Variants in SYNE2 observed in about 807,000 individuals in gnomAD.
SYNE2 encodes the protein spectrin repeat containing nuclear envelope protein 2, also known as nesprin-2.
SYNE2 carries 431 observed loss-of-function variants against 856.3 expected under a neutral mutation model. The ratio of observed to expected loss-of-function variants is 0.50; its 90% confidence interval spans 0.47 to 0.55. SYNE2 has a LOEUF of 0.55. SYNE2 is among the 20% of genes least tolerant of loss of function. The pLI is 0.00. For synonymous variants in SYNE2, 2,923 were observed against 2,872.3 expected (o/e 1.02, Z -0.56); for missense variants, 8,129 against 8,023.2 (o/e 1.01, Z -0.50).
At position 63,954,807 on chromosome 14, in the gene SYNE2, C is replaced by G. The variant is rs2096220099; in HGVS notation, c.679C>G (p.Leu227Val). Reference protein sequence around the residue: ...LAIIHALRPDLIDMKSVKHRS... With the variant: ...LAIIHALRPDVIDMKSVKHRS... ...CATCATTCATGCCTTGCGACCAGAC[C>G]TAATTGACATGAAGAGTGTGAAGCA... The change falls in exon 8 of 116, where the codon CTA becomes GTA. Residue 227 changes from leucine to valine, a missense_variant. Physicochemically the swap from Leu to Val is conservative, Grantham distance 32. Transcript: ENST00000555002. 6.2e-7 allele frequency: 1 copy of G among 1,613,794 alleles called. No homozygotes were observed. Among genetic ancestry groups the G allele is most frequent in the Non-Finnish European group, 8.5e-7 (1 of 1,179,966 alleles).
intron 1 of SYNE2, among the ~76,000 whole-genome samples, chr14:63,822,334 C>G (rs1232532002): frequency 2.0e-5 from 3 of 152,164 alleles, no homozygotes; most frequent in African/African-American, 7.2e-5. Context: ...GTAGGCTTAA[C>G]TTTTATCCCC....
intron 8 of SYNE2, among the ~76,000 whole-genome samples, chr14:63,959,470 G>A (rs971713762): frequency 6.6e-6 from 1 of 151,486 alleles, no homozygotes; most frequent in Admixed American, 6.6e-5. Context: ...GCTAATTTTT[G>A]TATTTTTAGT....
chr14:63,900,139 G>C (rs921431474), intron 1 of SYNE2, among the ~76,000 whole-genome samples: 1 of 152,172 alleles, frequency 6.6e-6, no homozygotes. Context: ...CTGATCATGG[G>C]TTAAGTGGGT....
Position 64,161,144 on chromosome 14 carries a change from G to A in SYNE2, c.16095-928G>A, listed in dbSNP as rs2153714135. On this transcript the variant is annotated intron_variant, in intron 87 of 115. Transcript: ENST00000555002. The stretch of plus-strand genomic sequence containing the variant: ...AGATCACTTGAGTCCAGGAGTTCAA[G>A]ACCAGCCTGGGTAGCATGGTGAAAC... Among the ~76,000 whole-genome samples, 3 of 152,154 alleles carry A rather than the reference G, an allele frequency of 2.0e-5. No individual in the cohort carries two copies. The Middle Eastern group carries it at 0.01, about 518-fold the overall frequency.
At chr14:64,205,616 T>C (rs1310207261) in intron 100 of SYNE2, among the ~76,000 whole-genome samples, 5 of 152,274 alleles carry the variant, frequency 3.3e-5, no homozygotes, top group Non-Finnish European at 1.5e-5. Context: ...ATATACCTGG[T>C]TGGGGAGGGG....
intron 100 of SYNE2, among the ~76,000 whole-genome samples, chr14:64,207,696 C>T (rs1287412834): frequency 6.6e-6 from 1 of 152,070 alleles, no homozygotes; most frequent in East Asian, 1.9e-4. Context: ...GTACAGTCCT[C>T]TTATTAACTG....
rs1177450221 is a variant in SYNE2, at chr14:64,113,503, G to A, written c.12772G>A (p.Ala4258Thr). Residue 4258 changes from alanine (A) to threonine (T), a missense_variant, in exon 66 of 116, where the codon GCA (alanine) becomes ACA (threonine). This residue lies in a region of SYNE2 where 5,410 missense variants were observed against 5,284.8 expected (regional missense o/e 1.02). Coordinates refer to ENST00000555002, the MANE Select transcript of SYNE2 (RefSeq NM_182914.3). Reference sequence around the variant, plus strand: ...GCTGTGGCTGCAACAAGCCAACGTGGCAGTTGAGCCGGAAACATTAAACGC... The same window carrying A: ...GCTGTGGCTGCAACAAGCCAACGTGACAGTTGAGCCGGAAACATTAAACGC... ...LELWLQQANV[A>T]VEPETLNADM... 1.2e-6 allele frequency: 2 copies of A among 1,614,000 alleles called. No homozygotes were observed. The highest frequency in any genetic ancestry group is 4.5e-5 in the East Asian group (2 of 44,878).
chr14:64,202,752 A>G lies in SYNE2; in HGVS notation c.18039-49A>G, dbSNP rs777224055. ...ACTAAGTATTGGGCTTTTGTTTTCC[A>G]TCACTGGTTTTTTTTTGTTTCGTTT... On this transcript the variant is annotated intron_variant, in intron 99 of 115. Transcript: ENST00000555002. 1.2e-6 allele frequency: 2 copies of G among 1,612,804 alleles called. 1 individual carries two copies. The highest frequency in any genetic ancestry group is 2.2e-5 in the South Asian group (2 of 90,908).
chr14:64,224,625 C>T (rs1567704214), intron 114 of SYNE2, 78 bp downstream of exon 114: 4 of 1,534,776 alleles, frequency 2.6e-6, no homozygotes, highest in South Asian at 2.3e-5. Flanking sequence ...CTTGGGATTC[C>T]AAGAGCCCAT....
At chr14:64,002,640 T>C (rs754736769) in intron 29 of SYNE2, 80 bp from the exon 30 acceptor site, 12 of 1,494,882 alleles carry the variant, frequency 8.0e-6, no homozygotes, top group Non-Finnish European at 1.1e-5. Context: ...AATCTAGTCA[T>C]GCAGTTTGGG....
At chr14:63,918,195 G>T (rs1283386450) in intron 2 of SYNE2, among the ~76,000 whole-genome samples, 1 of 152,146 alleles carries the variant, frequency 6.6e-6, no homozygotes, top group Admixed American at 6.6e-5. Flanking sequence ...TCACCTTTAA[G>T]ATAGAAAAAC....
Position 64,168,956 on chromosome 14 carries a change from C to A in SYNE2, c.16985C>A (p.Thr5662Lys). Residue 5662 changes from threonine (T) to lysine (K), a missense_variant, in exon 93 of 116, where the codon ACA becomes AAA. This residue lies in a region of SYNE2 where 5,410 missense variants were observed against 5,284.8 expected (regional missense o/e 1.02). Coordinates refer to ENST00000555002, the MANE Select transcript of SYNE2 (RefSeq NM_182914.3). ...VTQSLQLLDT[T>K]EIENRPEFIT... is the part of the protein sequence containing the mutation. ...CAGTCCTTACAACTCCTGGACACAA[C>A]AGAAATAGAGAACAGGTGAGCTGTC... 6.2e-7 allele frequency: 1 copy of A among 1,613,696 alleles called. No homozygotes were observed. Among genetic ancestry groups the A allele is most frequent in the East Asian group, 2.2e-5 (1 of 44,882 alleles).
In SYNE2 at chr14:64,052,889, G is replaced by A. The variant is rs769700761; in HGVS notation, c.8976G>A (p.Lys2992=). 6.2e-7 allele frequency: 1 copy of A among 1,613,766 alleles called. No homozygotes were observed. The highest frequency in any genetic ancestry group is 1.7e-5 in the Admixed American group (1 of 59,958). Residue 2992 remains lysine (K), a synonymous_variant, in exon 48 of 116, where the codon AAG becomes AAA. Coordinates refer to ENST00000555002, the MANE Select transcript of SYNE2 (RefSeq NM_182914.3). The stretch of plus-strand genomic sequence containing the variant: ...TTAAAGACAGACTCACCGCTATTAA[G>A]TGTTGCATCTTACAGGTATTGAAAC... ...YNLKDRLTAI[K]CCILQVLKLK...
In SYNE2 at chr14:64,021,977, T is replaced by C; in HGVS notation, c.5473T>C (p.Phe1825Leu). 1 of 1,613,938 alleles carries C rather than the reference T, an allele frequency of 6.2e-7. No individual in the cohort carries two copies. The highest frequency in any genetic ancestry group is 8.5e-7 in the Non-Finnish European group (1 of 1,179,898). Reference sequence around the variant, plus strand: ...GCAATATGAAAGTGTCAGTGATTTATTTAATACCAAAAAAAGTGTTTTGCA... The same window carrying C: ...GCAATATGAAAGTGTCAGTGATTTACTTAATACCAAAAAAAGTGTTTTGCA... Reference protein sequence around the residue: ...KKQYESVSDLFNTKKSVLQDH... With the variant: ...KKQYESVSDLLNTKKSVLQDH... The change falls in exon 37 of 116, where the codon TTT becomes CTT. Residue 1825 changes from phenylalanine (F) to leucine (L), a missense_variant. By Grantham distance (22) the Phe-to-Leu change is conservative. Coordinates refer to ENST00000555002, the MANE Select transcript of SYNE2 (RefSeq NM_182914.3).
intron 8 of SYNE2, chr14:63,960,726 C>T (rs746409225): frequency 5.2e-6 from 4 of 762,614 alleles, no homozygotes; most frequent in Non-Finnish European, 9.6e-6. Flanking sequence ...TGATCTCCTT[C>T]ACTTATTAGA....
At chr14:64,110,191 A>G (rs1229116614) in intron 65 of SYNE2, among the ~76,000 whole-genome samples, 1 of 152,206 alleles carries the variant, frequency 6.6e-6, no homozygotes, top group African/African-American at 2.4e-5. Context: ...AATATTAAGG[A>G]GAAAATGTAA....
chr14:64,199,818 A>G (rs1202020348), intron 99 of SYNE2, among the ~76,000 whole-genome samples: 2 of 152,144 alleles, frequency 1.3e-5, no homozygotes, highest in African/African-American at 4.8e-5. Context: ...TATTTTAATA[A>G]TTAAGTTTAT....
In SYNE2 at chr14:64,098,231, A is replaced by G; in HGVS notation, c.12306+85A>G. On this transcript the variant is annotated intron_variant, in intron 62 of 115. Transcript: ENST00000555002. ...GTTTTCCACCTGAACGACCTGTGGC[A>G]TCTATGTCTATGGCCTGTAGTAAAG... is the stretch of plus-strand genomic sequence containing the variant. The G allele has an allele frequency of 2.1e-6, 3 of 1,422,126 alleles. No individual in the cohort carries two copies. The South Asian group carries it at 3.6e-5, about 17-fold the overall frequency. 88.1% of individuals were successfully genotyped at this position (1,422,126 alleles called of 1,614,324 possible). A position where few individuals can be genotyped will look rare whatever the true frequency, so the allele number is the denominator to read the frequency against.
At chr14:64,191,032 C>G (rs2098516156) in intron 99 of SYNE2, 1 of 702,106 alleles carries the variant, frequency 1.4e-6, no homozygotes, top group Non-Finnish European at 2.6e-6. Flanking sequence ...CTTTCCATAG[C>G]AGTGTGCTCA....
Sources: allele counts gnomAD v4.1 joint callset (sites outside exome capture counted in the v4.1 genomes callset), GRCh38; gene constraint gnomAD v4.1.1; regional missense constraint gnomAD v4.1.1; transcripts MANE v1.5; gene names NCBI Gene and HGNC (gene_info 2026-07-23, HGNC 2026-07-21).